KLHL4: variants seen among roughly 807,000 people sequenced by gnomAD.
The protein encoded by KLHL4 is kelch-like protein 4.
KLHL4 carries 17 observed loss-of-function variants against 45.8 expected under a neutral mutation model. The observed-to-expected ratio is 0.37, with a 90% confidence interval of 0.25 to 0.56. The LOEUF (loss-of-function observed/expected upper bound fraction) is 0.56, where lower values mean the gene tolerates loss of function less well. KLHL4 is among the 20% of genes least tolerant of loss of function. The pLI, the probability that KLHL4 is intolerant of heterozygous loss-of-function variation, is 0.79. For missense variants in KLHL4, 544 were observed against 544.9 expected (o/e 1.00, Z 0.02); for synonymous variants, 224 against 189.9 (o/e 1.18, Z -1.47).
intron 1 of KLHL4, among the ~76,000 whole-genome samples, chrX:87,553,982 C>T (rs910363779): frequency 5.5e-5 from 6 of 108,950 alleles, no homozygotes; most frequent in African/African-American, 1.7e-4. Flanking sequence ...GGAATCCTTT[C>T]CCCATTGCTT....
intron 1 of KLHL4, among the ~76,000 whole-genome samples, chrX:87,552,632 C>T (rs1169486708): frequency 3.6e-5 from 4 of 110,206 alleles, no homozygotes; most frequent in African/African-American, 1.3e-4. Context: ...TTTGCAATTG[C>T]AAAATTATGG....
chrX:87,526,828 A>G (rs1351915461), intron 1 of KLHL4, among the ~76,000 whole-genome samples: 1 of 111,679 alleles, frequency 9.0e-6, no homozygotes, highest in Non-Finnish European at 1.9e-5. Context: ...AGGCTCTTAA[A>G]AGACAAGATA....
chrX:87,553,860 G>A (rs976309937), intron 1 of KLHL4, among the ~76,000 whole-genome samples: 1 of 109,815 alleles, frequency 9.1e-6, no homozygotes. Context: ...TAGGTCTAAC[G>A]TTTAAGTCTT....
At chrX:87,651,781 C>CA (rs1397474900) in intron 9 of KLHL4, among the ~76,000 whole-genome samples, 2 of 111,864 alleles carry the variant, frequency 1.8e-5, no homozygotes, top group Non-Finnish European at 3.8e-5. Context: ...TCCAGGTGCA[C>CA]AATGCAAGCT....
chrX:87,520,037 T>C (rs903300419), intron 1 of KLHL4, among the ~76,000 whole-genome samples: 2 of 112,556 alleles, frequency 1.8e-5, no homozygotes, highest in African/African-American at 6.5e-5. Flanking sequence ...AATTATTCTA[T>C]GGTTTCATTG....
At chrX:87,630,496 C>G (rs1923063089) in intron 6 of KLHL4, among the ~76,000 whole-genome samples, 1 of 110,949 alleles carries the variant, frequency 9.0e-6, no homozygotes, top group Non-Finnish European at 1.9e-5. Flanking sequence ...TTTTTTAAAC[C>G]TGCCACAAAC....
At chrX:87,529,396 T>A (rs1159327499) in intron 1 of KLHL4, among the ~76,000 whole-genome samples, 2 of 111,747 alleles carry the variant, frequency 1.8e-5, no homozygotes, top group East Asian at 5.6e-4. Context: ...TTAGGATTAG[T>A]GGCTAAGTAA....
At chrX:87,616,385 C>A (rs1922557286) in intron 3 of KLHL4, among the ~76,000 whole-genome samples, 1 of 111,704 alleles carries the variant, frequency 9.0e-6, no homozygotes, top group African/African-American at 3.2e-5. Context: ...AAAATATTCC[C>A]TAAATTTTCA....
chrX:87,651,843 A>T (rs771405546), intron 9 of KLHL4, among the ~76,000 whole-genome samples: 1 of 112,213 alleles, frequency 8.9e-6, no homozygotes, highest in African/African-American at 3.2e-5. Context: ...CTATTCTCAC[A>T]GCTCCACTAG....
chrX:87,625,821 A>C lies in KLHL4; in HGVS notation c.1324+25A>C, dbSNP rs754504540. On this transcript the variant is annotated intron_variant, in intron 6 of 10. Coordinates refer to ENST00000373119, the MANE Select transcript of KLHL4 (RefSeq NM_019117.5). ...GGTAAAAATAACTTAGAGTGTCTTCATTCAAAAAAGATACATTCTTAACAG... is the reference window on the plus strand; with the variant it reads ...GGTAAAAATAACTTAGAGTGTCTTCCTTCAAAAAAGATACATTCTTAACAG... 3.5e-6 allele frequency: 4 copies of C among 1,126,865 alleles called. No individual in the cohort carries two copies. The East Asian group carries it at 1.2e-4, about 34-fold the overall frequency. The allele number at this position is 1,126,865 out of a possible 1,213,427, so 92.9% of individuals were successfully genotyped here.
At chrX:87,615,551 C>T (rs1922530252) in intron 3 of KLHL4, among the ~76,000 whole-genome samples, 1 of 111,106 alleles carries the variant, frequency 9.0e-6, no homozygotes, top group Non-Finnish European at 1.9e-5. Context: ...AAGCATCATT[C>T]ATAACTAAAG....
chrX:87,647,177 C>A (rs1923665826), intron 9 of KLHL4, among the ~76,000 whole-genome samples: 1 of 111,655 alleles, frequency 9.0e-6, no homozygotes, highest in South Asian at 3.7e-4. Context: ...AAATCAAAAG[C>A]ACAATGCAAT....
intron 10 of KLHL4, among the ~76,000 whole-genome samples, chrX:87,666,124 G>A (rs1022731388): frequency 5.4e-5 from 6 of 111,688 alleles, no homozygotes; most frequent in Non-Finnish European, 9.4e-5. Flanking sequence ...CTAACAGATG[G>A]TGGGATTATA....
intron 1 of KLHL4, among the ~76,000 whole-genome samples, chrX:87,597,137 G>T (rs1049519449): frequency 6.3e-5 from 7 of 111,752 alleles, no homozygotes; most frequent in African/African-American, 9.7e-5. Context: ...TGCACAGCCT[G>T]TTTACTCATC....
chrX:87,644,200 A>G (rs1238334340), intron 9 of KLHL4, among the ~76,000 whole-genome samples: 1 of 112,047 alleles, frequency 8.9e-6, no homozygotes, highest in East Asian at 2.8e-4. Flanking sequence ...GAATTCAGCA[A>G]AGTTTCTGGA....
Position 87,612,721 on chromosome X carries a change from G to A in KLHL4, c.423-1156G>A, listed in dbSNP as rs559485962. Among the ~76,000 whole-genome samples, 98 of 111,785 alleles carry A rather than the reference G, an allele frequency of 8.8e-4. 5 individuals are homozygous for A. The South Asian group carries it at 0.036, about 41-fold the overall frequency. The stretch of plus-strand genomic sequence containing the variant: ...TTCTTCACATAAAATTATCCAGTAA[G>A]CATGGCAGGGTGCGGTGGCTCACAC... On this transcript the variant is annotated intron_variant, in intron 1 of 10. Transcript: ENST00000373119.
rs1217664146 is a variant in KLHL4 at position 87,668,632 on chromosome X, T to G, written c.*2098T>G. On this transcript the variant is annotated 3_prime_UTR_variant, in exon 11 of 11. Coordinates refer to ENST00000373119, the MANE Select transcript of KLHL4 (RefSeq NM_019117.5). ...TTGGGCCATGAGGTCTGTGCCCTCC[T>G]GAATGGATTAATCCATTCATGGATT... is the stretch of plus-strand genomic sequence containing the variant. 1 of 174,738 alleles carries G rather than the reference T, an allele frequency of 5.7e-6. No homozygotes were observed. Among genetic ancestry groups the G allele is most frequent in the Non-Finnish European group, 9.0e-6 (1 of 111,698 alleles). The allele number at this position is 174,738 out of a possible 1,213,427, so 14.4% of individuals were successfully genotyped here.
At chrX:87,545,837 G>C (rs981725562) in intron 1 of KLHL4, among the ~76,000 whole-genome samples, 37 of 111,354 alleles carry the variant, frequency 3.3e-4, no homozygotes, top group African/African-American at 1.1e-3. Context: ...GGCTGAGGTG[G>C]TCTCAGATGT....
intron 1 of KLHL4, among the ~76,000 whole-genome samples, chrX:87,593,534 C>A (rs1477749250): frequency 9.0e-6 from 1 of 111,333 alleles, no homozygotes; most frequent in African/African-American, 3.3e-5. Flanking sequence ...ATCAGAATTT[C>A]TTTGGGTCTT....
Sources: gnomAD v4.1 joint callset for allele counts (sites outside exome capture counted in the v4.1 genomes callset) on GRCh38, gnomAD v4.1.1 for gene constraint, MANE v1.5 for transcripts, NCBI Gene and HGNC (gene_info 2026-07-23, HGNC 2026-07-21) for gene names.